Variants in CHLSN observed in about 807,000 individuals in gnomAD.
The protein encoded by CHLSN is protein cholesin.
the CHLSN span, among the ~76,000 whole-genome samples, chr7:1,083,347 G>A: frequency 2.6e-5 from 4 of 152,186 alleles, no homozygotes; most frequent in African/African-American, 7.2e-5. Flanking sequence ...AGTGTGGGCC[G>A]GGCGCGGTGG....
the CHLSN span, chr7:988,882 C>A: frequency 9.3e-7 from 1 of 1,080,756 alleles, no homozygotes; most frequent in Non-Finnish European, 1.3e-6. Flanking sequence ...GGTCCTCCCA[C>A]CCTCTCTCCT....
the CHLSN span, among the ~76,000 whole-genome samples, chr7:1,010,428 C>T: frequency 2.0e-5 from 3 of 152,352 alleles, no homozygotes; most frequent in East Asian, 1.9e-4. Flanking sequence ...CACAGACTCC[C>T]GGCTCCCGAG....
At chr7:1,044,575 C>A in the CHLSN span, 1 of 150,620 alleles carries the variant, frequency 6.6e-6, no homozygotes. Context: ...GCCCGGGCGG[C>A]GTGCGCGCCG....
the CHLSN span, among the ~76,000 whole-genome samples, chr7:1,083,127 C>T: frequency 2.6e-5 from 4 of 152,360 alleles, no homozygotes; most frequent in Non-Finnish European, 2.9e-5. Context: ...GCCCCTGGCA[C>T]GACGCTCCCA....
the CHLSN span, among the ~76,000 whole-genome samples, chr7:1,001,847 G>C: frequency 4.9e-5 from 5 of 102,596 alleles, no homozygotes; most frequent in African/African-American, 4.1e-5. Context: ...GGGGAGTCCT[G>C]TGGGTGAGTG....
chr7:1,001,727 T>C, the CHLSN span, among the ~76,000 whole-genome samples: 3 of 72,696 alleles, frequency 4.1e-5, no homozygotes, highest in African/African-American at 1.2e-4. Flanking sequence ...GTTAGTGGAG[T>C]CCTGTGGGTG....
the CHLSN span, among the ~76,000 whole-genome samples, chr7:1,005,040 A>C: frequency 6.6e-6 from 1 of 152,214 alleles, no homozygotes; most frequent in Non-Finnish European, 1.5e-5. Flanking sequence ...CATGCCTGTA[A>C]GCTGAGCACT....
chr7:1,053,531 T>G, the CHLSN span, among the ~76,000 whole-genome samples: 5 of 152,252 alleles, frequency 3.3e-5, no homozygotes, highest in East Asian at 9.7e-4. Context: ...CTCCCAGCCT[T>G]CAAAATGTAC....
chr7:1,059,596 A>T, the CHLSN span, among the ~76,000 whole-genome samples: 1 of 51,850 alleles, frequency 1.9e-5, no homozygotes, highest in Admixed American at 2.7e-4. Context: ...GCGGGTCCCG[A>T]GTGGGGCGGG....
chr7:1,035,813 T>C, the CHLSN span, among the ~76,000 whole-genome samples: 1 of 152,180 alleles, frequency 6.6e-6, no homozygotes, highest in South Asian at 2.1e-4. Flanking sequence ...ACTCAAAATT[T>C]AGGTTCACAT....
the CHLSN span, among the ~76,000 whole-genome samples, chr7:1,032,995 G>A: frequency 2.5e-4 from 38 of 152,290 alleles, no homozygotes; most frequent in South Asian, 8.3e-4. Context: ...GTGCACTCGC[G>A]GTGCGGACCC....
the CHLSN span, among the ~76,000 whole-genome samples, chr7:1,133,405 A>C: frequency 6.6e-6 from 1 of 151,592 alleles, no homozygotes; most frequent in African/African-American, 2.4e-5. Context: ...AAAAAAAAAA[A>C]AAAAAAAACT....
chr7:1,015,845 G>T, the CHLSN span, among the ~76,000 whole-genome samples: 3 of 152,194 alleles, frequency 2.0e-5, no homozygotes, highest in African/African-American at 7.2e-5. Context: ...AAAGGTCATC[G>T]AGTGCTGACC....
At chr7:1,100,014 T>A in the CHLSN span, among the ~76,000 whole-genome samples, 1 of 152,156 alleles carries the variant, frequency 6.6e-6, no homozygotes, top group African/African-American at 2.4e-5. Flanking sequence ...AATCCACTTC[T>A]CATTTAAGAG....
the CHLSN span, among the ~76,000 whole-genome samples, chr7:1,070,755 GCAGA>G: frequency 2.0e-4 from 28 of 141,980 alleles, no homozygotes; most frequent in East Asian, 4.2e-4. Context: ...CACAACGCAC[GCAGA>G]CATACACATG....
the CHLSN span, among the ~76,000 whole-genome samples, chr7:991,287 C>G: frequency 2.6e-5 from 4 of 152,172 alleles, no homozygotes; most frequent in African/African-American, 4.8e-5. Context: ...CCGACTCACG[C>G]GACCTCTCAC....
At chr7:1,066,848 T>G in the CHLSN span, among the ~76,000 whole-genome samples, 1 of 150,434 alleles carries the variant, frequency 6.6e-6, no homozygotes, top group Non-Finnish European at 1.5e-5. Context: ...GGGCACAGTC[T>G]GTTGGCGGAG....
At chr7:1,033,743 C>T in the CHLSN span, among the ~76,000 whole-genome samples, 17 of 151,970 alleles carry the variant, frequency 1.1e-4, no homozygotes, top group African/African-American at 3.1e-4. Flanking sequence ...CCCAGGAAAT[C>T]GGTAACGGGG....
chr7:1,101,880 G>T, the CHLSN span, among the ~76,000 whole-genome samples: 1 of 152,250 alleles, frequency 6.6e-6, no homozygotes, highest in African/African-American at 2.4e-5. Flanking sequence ...AACGAGGCTC[G>T]CTCCTGAGTC....
Sources: allele counts gnomAD v4.1 joint callset (sites outside exome capture counted in the v4.1 genomes callset), GRCh38; gene constraint gnomAD v4.1.1; transcripts MANE v1.5; gene names NCBI Gene and HGNC (gene_info 2026-07-23, HGNC 2026-07-21).